COL21A1: variants seen among roughly 807,000 people sequenced by gnomAD.
COL21A1 encodes the protein collagen alpha-1(XXI) chain.
COL21A1 carries 149 observed loss-of-function variants against 137.9 expected under a neutral mutation model. The observed-to-expected ratio is 1.08, with a 90% CI of 0.95 to 1.24. COL21A1 has a LOEUF of 1.24. Among genes scored for constraint, COL21A1 ranks in the 50% most tolerant of loss-of-function variants. The pLI is 0.00. For synonymous variants in COL21A1, 456 were observed against 391.5 expected, an observed-to-expected ratio of 1.16 and a Z score of -1.95; for missense variants, 1,167 against 1,158.4, an observed-to-expected ratio of 1.01 and a Z score of -0.11.
chr6:56,119,335 A>C (rs940723295), intron 16 of COL21A1, among the ~76,000 whole-genome samples: 2 of 151,994 alleles, frequency 1.3e-5, no homozygotes, highest in Non-Finnish European at 2.9e-5. Flanking sequence ...ATAGTCACAA[A>C]TAAAATTAAA....
chr6:56,319,861 C>T (rs1051697875), intron 1 of COL21A1, among the ~76,000 whole-genome samples: 1 of 152,140 alleles, frequency 6.6e-6, no homozygotes, highest in African/African-American at 2.4e-5. Flanking sequence ...TAGACCAGGT[C>T]TGTACTAGTT....
At chr6:56,348,663 C>A (rs1026394031) in intron 1 of COL21A1, among the ~76,000 whole-genome samples, 2 of 152,124 alleles carry the variant, frequency 1.3e-5, no homozygotes, top group Admixed American at 1.3e-4. Flanking sequence ...AACAAAGAAT[C>A]CTGGTCCAAA....
In COL21A1 at chr6:56,097,844, T is replaced by TAAATATATAAATATATAA. The variant is rs1562188026; in HGVS notation, c.1812+3627_1812+3628insTTATATATTTATATATTT. The stretch of plus-strand genomic sequence containing the variant: ...ATACATATAAATATATATAAATATA[T>TAAATATATAAATATATAA]AAATATATATAAATATATAAAAATA... On this transcript the variant is annotated intron_variant, in intron 17 of 29. Transcript: ENST00000244728. Among the ~76,000 whole-genome samples, 23 of 34,014 alleles carry TAAATATATAAATATATAA rather than the reference T, an allele frequency of 6.8e-4. 7 individuals are homozygous for TAAATATATAAATATATAA. The highest frequency in any genetic ancestry group is 4.0e-3 in the East Asian group (2 of 504). 22.3% of individuals were successfully genotyped at this position (34,014 alleles called of 152,430 possible). A position where few individuals can be genotyped will look rare whatever the true frequency, so the allele number is the denominator to read the frequency against.
At chr6:56,128,224 A>C (rs187608311) in intron 12 of COL21A1, among the ~76,000 whole-genome samples, 1 of 152,304 alleles carries the variant, frequency 6.6e-6, no homozygotes, top group East Asian at 1.9e-4. Context: ...CAGGTTCTGA[A>C]GACTCCTCAC....
intron 17 of COL21A1, among the ~76,000 whole-genome samples, chr6:56,098,404 A>G (rs1280183857): frequency 1.4e-4 from 1 of 7,048 alleles, no homozygotes; most frequent in South Asian, 6.3e-3. Context: ...TATATATATA[A>G]ATATATATAA....
At chr6:56,260,689 A>AAGTC (rs1763243814) in intron 1 of COL21A1, among the ~76,000 whole-genome samples, 1 of 104,762 alleles carries the variant, frequency 9.5e-6, no homozygotes, top group Non-Finnish European at 1.9e-5. Flanking sequence ...GGAAGGAAGG[A>AAGTC]AGGCAGGCAG....
At chr6:56,214,519 T>C (rs776828948) in intron 1 of COL21A1, among the ~76,000 whole-genome samples, 53 of 152,074 alleles carry the variant, frequency 3.5e-4, no homozygotes, top group Non-Finnish European at 8.8e-5. Flanking sequence ...GATTCCAATG[T>C]TGGAGAAAGA....
chr6:56,303,446 C>T (rs1211881301), intron 1 of COL21A1, among the ~76,000 whole-genome samples: 1 of 152,156 alleles, frequency 6.6e-6, no homozygotes, highest in Non-Finnish European at 1.5e-5. Context: ...AGGTCCTTCA[C>T]ATCCCTTGTA....
At chr6:56,114,491 C>A (rs1022224657) in intron 16 of COL21A1, among the ~76,000 whole-genome samples, 3 of 152,140 alleles carry the variant, frequency 2.0e-5, no homozygotes, top group South Asian at 2.1e-4. Flanking sequence ...AAACAAACAA[C>A]CCCATCAAAA....
At chr6:56,061,451 G>A (rs1462777571) in intron 25 of COL21A1, among the ~76,000 whole-genome samples, 198 bp downstream of exon 25, 2 of 152,008 alleles carry the variant, frequency 1.3e-5, no homozygotes, top group Non-Finnish European at 2.9e-5. Context: ...CAATAATATT[G>A]ACAATTCACA....
At chr6:56,197,178 A>G (rs930729146) in intron 1 of COL21A1, among the ~76,000 whole-genome samples, 8 of 152,120 alleles carry the variant, frequency 5.3e-5, no homozygotes, top group Non-Finnish European at 8.8e-5. Flanking sequence ...AAAGAATGAA[A>G]TTGGACCCTT....
intron 1 of COL21A1, among the ~76,000 whole-genome samples, chr6:56,238,011 T>G (rs542290009): frequency 2.0e-5 from 3 of 151,944 alleles, no homozygotes; most frequent in African/African-American, 7.3e-5. Flanking sequence ...ATGTAAAAAT[T>G]TATGTACATT....
At chr6:56,069,023 T>G in intron 22 of COL21A1, 23 bp downstream of exon 22, 1 of 1,547,150 alleles carries the variant, frequency 6.5e-7, no homozygotes, top group Non-Finnish European at 8.8e-7. Context: ...AAAAGCGAAC[T>G]GTATCTCCTA....
intron 10 of COL21A1, among the ~76,000 whole-genome samples, chr6:56,155,387 C>T (rs1775666120): frequency 6.6e-6 from 1 of 152,074 alleles, no homozygotes; most frequent in African/African-American, 2.4e-5. Context: ...TAGGAAATCT[C>T]TCTCAGGAAC....
At chr6:56,166,613 T>C (rs1776598701) in intron 7 of COL21A1, among the ~76,000 whole-genome samples, 1 of 152,144 alleles carries the variant, frequency 6.6e-6, no homozygotes, top group African/African-American at 2.4e-5. Flanking sequence ...ATTGCGCCAC[T>C]GCACTCCAGC....
intron 1 of COL21A1, among the ~76,000 whole-genome samples, chr6:56,187,015 G>A (rs1475134750): frequency 6.6e-6 from 1 of 152,220 alleles, no homozygotes; most frequent in Non-Finnish European, 1.5e-5. Flanking sequence ...ACTTATGTCA[G>A]TCTGCTTTCT....
chr6:56,256,584 A>T (rs1202305056), intron 1 of COL21A1, among the ~76,000 whole-genome samples: 1 of 152,220 alleles, frequency 6.6e-6, no homozygotes, highest in Non-Finnish European at 1.5e-5. Flanking sequence ...ATAAGAAGAG[A>T]TTCAAAGCTG....
At chr6:56,348,528 G>C (rs1184949687) in intron 1 of COL21A1, among the ~76,000 whole-genome samples, 1 of 152,122 alleles carries the variant, frequency 6.6e-6, no homozygotes, top group Non-Finnish European at 1.5e-5. Context: ...GGTAAAATGA[G>C]AATAAGGAGG....
chr6:56,253,372 G>C (rs951376483), intron 1 of COL21A1, among the ~76,000 whole-genome samples: 6 of 152,158 alleles, frequency 3.9e-5, no homozygotes, highest in Admixed American at 1.3e-4. Flanking sequence ...GACCCAAATG[G>C]GGCCAGTTAG....
Sources: allele counts gnomAD v4.1 joint callset (sites outside exome capture counted in the v4.1 genomes callset), GRCh38; gene constraint gnomAD v4.1.1; transcripts MANE v1.5; gene names NCBI Gene and HGNC (gene_info 2026-07-23, HGNC 2026-07-21).